The following IFNAR1 variants were observed in gnomAD, a reference collection of about 807,000 sequenced individuals.
IFNAR1 encodes the protein interferon alpha/beta receptor 1.
Under a neutral mutation model 62.1 loss-of-function variants are expected in IFNAR1, and 47 were observed. The ratio of observed to expected loss-of-function variants is 0.76; its 90% CI spans 0.60 to 0.97. IFNAR1 has a LOEUF of 0.97. IFNAR1 is among the 50% of genes least tolerant of loss of function. The pLI is 0.00. For missense variants in IFNAR1, 638 were observed against 654.5 expected, an observed-to-expected ratio of 0.97 and a Z score of 0.27; for synonymous variants, 219 against 226.9, an observed-to-expected ratio of 0.97 and a Z score of 0.31.
rs1448732856 is a variant in IFNAR1, at chr21:33,345,317, G to T, written c.745G>T (p.Asp249Tyr). Residue 249 changes from aspartate to tyrosine, a missense_variant, in exon 6 of 11, where the codon GAT (aspartate) becomes TAT (tyrosine). Physicochemically the swap from Asp to Tyr is radical, Grantham distance 160. Transcript: ENST00000270139. The part of the protein sequence containing the change: ...VQNQNYVLKW[D>Y]YTYANMTFQV... ...AAATCAGAACTATGTTCTTAAATGG[G>T]ATTATACATATGCAAACATGACCTT... 1.2e-6 allele frequency: 2 copies of T among 1,605,802 alleles called. No homozygotes were observed. The highest frequency in any genetic ancestry group is 1.1e-5 in the South Asian group (1 of 90,628).
At chr21:33,339,785 A>G (rs1239337687) in intron 2 of IFNAR1, among the ~76,000 whole-genome samples, 2 of 151,838 alleles carry the variant, frequency 1.3e-5, no homozygotes, top group Non-Finnish European at 2.9e-5. Flanking sequence ...AAAATTAGCC[A>G]GACGTGGTGG....
chr21:33,341,225 G>C (rs756190099), intron 3 of IFNAR1, 51 bp downstream of exon 3: 2 of 1,395,226 alleles, frequency 1.4e-6, no homozygotes, highest in South Asian at 2.6e-5. Flanking sequence ...TATTACCAGA[G>C]CAGTTCACTT....
chr21:33,331,946 G>A (rs985352205), intron 1 of IFNAR1, among the ~76,000 whole-genome samples: 3 of 152,258 alleles, frequency 2.0e-5, no homozygotes, highest in East Asian at 1.9e-4. Flanking sequence ...ACAAATCCTG[G>A]CTCTGTGAGC....
chr21:33,345,212 G>A, intron 5 of IFNAR1, 34 bp from the exon 6 acceptor site: 1 of 1,011,986 alleles, frequency 9.9e-7, no homozygotes, highest in Non-Finnish European at 1.6e-6. Context: ...GAGTAAAAAT[G>A]TGTGCTTTTT....
intron 1 of IFNAR1, 116 bp downstream of exon 1, chr21:33,325,247 C>A (rs761358898): frequency 3.2e-4 from 293 of 902,784 alleles, no homozygotes; most frequent in Non-Finnish European, 4.5e-4. Context: ...AACCTTCGGT[C>A]CACTTTGCCG....
At chr21:33,335,396 A>G (rs980810245) in intron 1 of IFNAR1, 128 bp from the exon 2 acceptor site, 2 of 518,620 alleles carry the variant, frequency 3.9e-6, no homozygotes, top group Non-Finnish European at 6.5e-6. Context: ...GTTTTTTTAG[A>G]TTTTTAAAAT....
At chr21:33,347,837 C>T (rs977551527) in intron 6 of IFNAR1, among the ~76,000 whole-genome samples, 1 of 152,112 alleles carries the variant, frequency 6.6e-6, no homozygotes, top group African/African-American at 2.4e-5. Flanking sequence ...GGGAGGATGT[C>T]CTTCTAGAGT....
In IFNAR1 at chr21:33,331,090, G is replaced by C. The variant is rs189783476; in HGVS notation, c.77-4434G>C. 2.1e-4 allele frequency among the ~76,000 whole-genome samples: 32 copies of C among 152,294 alleles called. No individual in the cohort carries two copies. In the East Asian group the frequency reaches 6.2e-3, roughly 29 times the overall value. On this transcript the variant is annotated intron_variant, in intron 1 of 10. Transcript: ENST00000270139. ...CCTTTCATCTGAACCACGCCAGGCT[G>C]GTGGCTCAACATCCCTAAGCTAAAC...
chr21:33,331,511 GC>G (rs2083180813), intron 1 of IFNAR1, among the ~76,000 whole-genome samples: 1 of 152,122 alleles, frequency 6.6e-6, no homozygotes, highest in Non-Finnish European at 1.5e-5. Flanking sequence ...GTAGTACCCC[GC>G]TTCCCTGGAG....
chr21:33,337,363 G>A (rs761393684), intron 2 of IFNAR1, among the ~76,000 whole-genome samples: 27 of 152,250 alleles, frequency 1.8e-4, no homozygotes, highest in East Asian at 3.9e-4. Flanking sequence ...GGCAGAAGGA[G>A]GAATATAGAA....
intron 1 of IFNAR1, chr21:33,335,144 C>CTA (rs2083221009): frequency 4.7e-6 from 3 of 638,588 alleles, no homozygotes; most frequent in Non-Finnish European, 8.7e-6. Flanking sequence ...GCATCTCTAT[C>CTA]TATCTATGAA....
rs1300425384 is a variant in IFNAR1, at chr21:33,356,192, G to A, written c.*643G>A. On this transcript the variant is annotated 3_prime_UTR_variant, in exon 11 of 11. Coordinates refer to ENST00000270139, the MANE Select transcript of IFNAR1 (RefSeq NM_000629.3). ...GTGCTAGCTGCGCACCGTGGCTAAGGATGACGTCTGTGTTCCTGTCCATCA... is the reference window on the plus strand; with the variant it reads ...GTGCTAGCTGCGCACCGTGGCTAAGAATGACGTCTGTGTTCCTGTCCATCA... The A allele has an allele frequency of 1.3e-5, 2 of 152,218 alleles. No homozygotes were observed. Among genetic ancestry groups the A allele is most frequent in the Admixed American group, 6.5e-5 (1 of 15,280 alleles). The allele number at this position is 152,218 out of a possible 1,614,324, so 9.4% of individuals were successfully genotyped here. A position where few individuals can be genotyped will look rare whatever the true frequency, so the allele number is the denominator to read the frequency against.
intron 8 of IFNAR1, 22 bp from the exon 9 acceptor site, chr21:33,352,736 G>T (rs2083411082): frequency 7.4e-7 from 1 of 1,345,452 alleles, no homozygotes; most frequent in Non-Finnish European, 1.0e-6. Context: ...AATTTTATCA[G>T]TGATTTAATT....
At chr21:33,354,143 G>T (rs940882225) in intron 10 of IFNAR1, among the ~76,000 whole-genome samples, 1 of 152,176 alleles carries the variant, frequency 6.6e-6, no homozygotes, top group African/African-American at 2.4e-5. Flanking sequence ...AGGAGTTCGA[G>T]ACCAGCCTGG....
In IFNAR1 at chr21:33,345,896, A is replaced by G. The variant is rs532662036; in HGVS notation, c.788+536A>G. ...ATGTGGTTGAGCAGAGGCTAGCTAA[A>G]CATGGATGAAGTCCAGGCGCTGCAT... On this transcript the variant is annotated intron_variant, in intron 6 of 10. Transcript: ENST00000270139. 3.9e-4 allele frequency among the ~76,000 whole-genome samples: 60 copies of G among 152,368 alleles called. No individual in the cohort carries two copies. The South Asian group carries it at 0.012, about 32-fold the overall frequency.
rs1417525384 is a variant in IFNAR1 at position 33,349,514 on chromosome 21, AT to A, written c.1120del (p.Trp374GlyfsTer23). 3 of 1,610,566 alleles carry A rather than the reference AT, an allele frequency of 1.9e-6. No homozygotes were observed. The highest frequency in any genetic ancestry group is 1.7e-5 in the Admixed American group (1 of 59,522). ...GGATTATCCACTGATTTATGAAATT[AT>A]TTTTTGGGAAAACACTTCAAATGCT... ...IQDYPLIYEI[I>X]FWENTSNAER... On this transcript the variant is annotated frameshift_variant, in exon 8 of 11. Transcript: ENST00000270139. LOFTEE classifies it high-confidence loss of function.
rs189365928 is a variant in IFNAR1 at position 33,330,137 on chromosome 21, A to G, written c.76+5006A>G. ...GACAGCTGTGCACGTTATTAGAGCAATCTGCACACAACTTACAGGAATCAG... is the reference window on the plus strand; with the variant it reads ...GACAGCTGTGCACGTTATTAGAGCAGTCTGCACACAACTTACAGGAATCAG... On this transcript the variant is annotated intron_variant, in intron 1 of 10. Transcript: ENST00000270139. 3.9e-5 allele frequency among the ~76,000 whole-genome samples: 6 copies of G among 152,348 alleles called. No homozygotes were observed. In the East Asian group the frequency reaches 9.6e-4, roughly 24 times the overall value.
chr21:33,358,183 A>G lies in IFNAR1; in HGVS notation c.*2634A>G, dbSNP rs1317969569. 3 of 152,222 alleles carry G rather than the reference A, an allele frequency of 2.0e-5. No homozygotes were observed. Among genetic ancestry groups the G allele is most frequent in the Non-Finnish European group, 4.4e-5 (3 of 68,024 alleles). The allele number at this position is 152,222 out of a possible 1,614,324, so 9.4% of individuals were successfully genotyped here. On this transcript the variant is annotated 3_prime_UTR_variant, in exon 11 of 11. Transcript: ENST00000270139. ...AGCACCAGCAGCAGAAAACAACAAC[A>G]AAAAAACACCTCGTTTTTACCTTGT...
Position 33,353,790 on chromosome 21 carries a change from T to TA in IFNAR1, c.1440+8dup. ...TTCTTCCAGTATAGATGAGGTATGT[T>TA]ACTTTTTTTATTTTTTTGTCAACAG... On this transcript the variant is annotated splice_region_variant and intron_variant, in intron 10 of 10. Transcript: ENST00000270139. 1 of 1,543,060 alleles carries TA rather than the reference T, an allele frequency of 6.5e-7. No homozygotes were observed. The highest frequency in any genetic ancestry group is 8.7e-7 in the Non-Finnish European group (1 of 1,145,906).
Sources: gnomAD v4.1 joint callset for allele counts (sites outside exome capture counted in the v4.1 genomes callset) on GRCh38, gnomAD v4.1.1 for gene constraint, MANE v1.5 for transcripts, NCBI Gene and HGNC (gene_info 2026-07-23, HGNC 2026-07-21) for gene names.